MARCHF10: variants seen among roughly 807,000 people sequenced by gnomAD.
MARCHF10 encodes the protein membrane associated ring-CH-type finger 10.
A neutral mutation model predicts 76.2 loss-of-function variants in MARCHF10; 64 were observed. The observed-to-expected ratio is 0.84, with a 90% CI of 0.69 to 1.03. The LOEUF is 1.03. Among genes scored for constraint, MARCHF10 ranks in the 50% least tolerant of loss-of-function variants. The pLI is 0.00. For synonymous variants in MARCHF10, 340 were observed against 357.5 expected, an observed-to-expected ratio of 0.95 and a Z score of 0.55; for missense variants, 875 against 958.0, an observed-to-expected ratio of 0.91 and a Z score of 1.14.
chr17:62,802,893 A>G (rs1462960449), intron 1 of MARCHF10, among the ~76,000 whole-genome samples: 1 of 152,220 alleles, frequency 6.6e-6, no homozygotes, highest in Non-Finnish European at 1.5e-5. Context: ...TCAAAGAGTC[A>G]TGGGAAACTC....
intron 3 of MARCHF10, among the ~76,000 whole-genome samples, chr17:62,762,446 CT>C (rs1366313203): frequency 6.6e-6 from 1 of 152,178 alleles, no homozygotes; most frequent in Non-Finnish European, 1.5e-5. Context: ...TGTTAATGGA[CT>C]TTTTTCCTGC....
intron 5 of MARCHF10, among the ~76,000 whole-genome samples, chr17:62,740,709 A>G (rs2147840227): frequency 6.6e-6 from 1 of 151,420 alleles, no homozygotes; most frequent in Non-Finnish European, 1.5e-5. Context: ...CCCAGGCTGG[A>G]GTACAGTTGT....
rs773189652 is a variant in MARCHF10, at chr17:62,736,845, A to G, written c.1023T>C (p.Gly341=). 1 of 1,613,688 alleles carries G rather than the reference A, an allele frequency of 6.2e-7. No individual in the cohort carries two copies. Among genetic ancestry groups the G allele is most frequent in the South Asian group, 1.1e-5 (1 of 91,034 alleles). ...NFEENAENCR[G]HSSRRSEPSH... ...TGGGCTCACTTCTTCTTGAAGAATG[A>G]CCTCTGCAATTTTCAGCATTTTCTT... The change falls in exon 6 of 11, where the codon GGT becomes GGC. Residue 341 remains glycine, a synonymous_variant. Coordinates refer to ENST00000311269, the MANE Select transcript of MARCHF10 (RefSeq NM_152598.4).
chr17:62,772,275 A>G (rs1477702354), intron 3 of MARCHF10, among the ~76,000 whole-genome samples: 1 of 151,960 alleles, frequency 6.6e-6, no homozygotes, highest in Non-Finnish European at 1.5e-5. Context: ...TATAAAGGGG[A>G]GTTTCCCTGC....
chr17:62,803,605 C>T (rs755395263), intron 1 of MARCHF10, among the ~76,000 whole-genome samples: 10 of 152,102 alleles, frequency 6.6e-5, no homozygotes, highest in African/African-American at 1.4e-4. Context: ...CCACAACCTC[C>T]GCCTCCCAGG....
intron 3 of MARCHF10, among the ~76,000 whole-genome samples, chr17:62,774,669 C>T (rs754719385): frequency 6.6e-6 from 1 of 152,166 alleles, no homozygotes; most frequent in Non-Finnish European, 1.5e-5. Context: ...CAGAGTCTTC[C>T]TTCCTCCTGT....
chr17:62,731,272 G>T (rs968978081), intron 6 of MARCHF10, among the ~76,000 whole-genome samples: 2 of 151,672 alleles, frequency 1.3e-5, no homozygotes, highest in East Asian at 3.9e-4. Context: ...ATTACTTTTT[G>T]TTTTTTTTGA....
chr17:62,772,857 G>A (rs1480445873), intron 3 of MARCHF10, among the ~76,000 whole-genome samples: 1 of 152,050 alleles, frequency 6.6e-6, no homozygotes, highest in East Asian at 1.9e-4. Flanking sequence ...TCATTAAATT[G>A]GTTGCAGATG....
chr17:62,778,018 G>A (rs1162200074), intron 3 of MARCHF10, among the ~76,000 whole-genome samples: 1 of 152,158 alleles, frequency 6.6e-6, no homozygotes, highest in Non-Finnish European at 1.5e-5. Context: ...TTATGTGCTA[G>A]GCATTGGAAA....
chr17:62,713,284 G>A (rs2090023245), intron 8 of MARCHF10, among the ~76,000 whole-genome samples: 1 of 152,198 alleles, frequency 6.6e-6, no homozygotes, highest in Non-Finnish European at 1.5e-5. Flanking sequence ...ACACCGGGAT[G>A]CATGATGACA....
chr17:62,762,697 C>T lies in MARCHF10; in HGVS notation c.211-2691G>A, dbSNP rs2147964345. ...GAGTAGCTGGGACTACAGGCACACGCACCATGCCTGGCTAATTTTCTGTAT... is the reference window on the plus strand; with the variant it reads ...GAGTAGCTGGGACTACAGGCACACGTACCATGCCTGGCTAATTTTCTGTAT... On this transcript the variant is annotated intron_variant, in intron 3 of 10. Coordinates refer to ENST00000311269, the MANE Select transcript of MARCHF10 (RefSeq NM_152598.4). Among the ~76,000 whole-genome samples the T allele has an allele frequency of 2.6e-5, 4 of 152,306 alleles. No individual in the cohort carries two copies. The South Asian group carries it at 8.3e-4, about 32-fold the overall frequency.
intron 2 of MARCHF10, chr17:62,795,152 C>T: frequency 2.0e-6 from 1 of 492,652 alleles, no homozygotes; most frequent in Middle Eastern, 1.0e-3. Context: ...CCTATCGTGT[C>T]CTTGAACACA....
chr17:62,755,422 G>A (rs1245244048), intron 4 of MARCHF10, among the ~76,000 whole-genome samples: 2 of 152,242 alleles, frequency 1.3e-5, no homozygotes. Flanking sequence ...AACTCAGGGT[G>A]GGGCTGGGAG....
chr17:62,750,929 C>G (rs1212351037), intron 4 of MARCHF10, among the ~76,000 whole-genome samples: 4 of 152,192 alleles, frequency 2.6e-5, no homozygotes, highest in Non-Finnish European at 4.4e-5. Context: ...GGGTAAGGCT[C>G]TCTCCCTCAA....
In MARCHF10 at chr17:62,712,039, G is replaced by A. The variant is rs917306062; in HGVS notation, c.2215-695C>T. ...GTCTGGCTGCCCATGGCACTTCTCT[G>A]TCCTTAGCACTTGGGCTTTGCTGCC... On this transcript the variant is annotated intron_variant, in intron 8 of 10. Transcript: ENST00000311269. This position sits in a 1 kb window ranked among gnomAD's most constrained non-coding sequence, Gnocchi z 4.2. Among the ~76,000 whole-genome samples, 3 of 152,216 alleles carry A rather than the reference G, an allele frequency of 2.0e-5. No individual in the cohort carries two copies. The highest frequency in any genetic ancestry group is 7.2e-5 in the African/African-American group (3 of 41,464).
chr17:62,782,823 G>A (rs943918203), intron 3 of MARCHF10, among the ~76,000 whole-genome samples: 7 of 152,094 alleles, frequency 4.6e-5, no homozygotes, highest in African/African-American at 1.4e-4. Flanking sequence ...CAGGATGGAC[G>A]TTATGAGAGC....
Position 62,736,864 on chromosome 17 carries a change from T to C in MARCHF10, c.1004A>G (p.Asn335Ser), listed in dbSNP as rs755843155. The change falls in exon 6 of 11, where the codon AAT (asparagine) becomes AGT (serine). Residue 335 changes from asparagine (N) to serine (S), a missense_variant. Coordinates refer to ENST00000311269, the MANE Select transcript of MARCHF10 (RefSeq NM_152598.4). ...PQAKNKNFEE[N>S]AENCRGHSSR... ...AGAATGACCTCTGCAATTTTCAGCA[T>C]TTTCTTCAAAATTTTTATTTTTGGC... The C allele has an allele frequency of 1.9e-6, 3 of 1,613,958 alleles. No individual in the cohort carries two copies. The Admixed American group carries it at 5.0e-5, about 27-fold the overall frequency.
At chr17:62,749,540 T>C (rs1233141948) in intron 4 of MARCHF10, among the ~76,000 whole-genome samples, 1 of 152,212 alleles carries the variant, frequency 6.6e-6, no homozygotes, top group Non-Finnish European at 1.5e-5. Context: ...AATAGGCAGC[T>C]TTCTGTGCAG....
chr17:62,784,535 A>G (rs1398916554), intron 3 of MARCHF10, among the ~76,000 whole-genome samples: 2 of 152,224 alleles, frequency 1.3e-5, no homozygotes, highest in African/African-American at 4.8e-5. Context: ...GCAATCAGGC[A>G]AGAGAAAGAA....
Sources: gnomAD v4.1 joint callset for allele counts (sites outside exome capture counted in the v4.1 genomes callset) on GRCh38, gnomAD v4.1.1 for gene constraint, Gnocchi (gnomAD v3.1) non-coding constraint, MANE v1.5 for transcripts, NCBI Gene and HGNC (gene_info 2026-07-23, HGNC 2026-07-21) for gene names.